Variants in MTUS2 observed in about 807,000 individuals in gnomAD.
MTUS2 encodes the protein microtubule-associated tumor suppressor candidate 2.
MTUS2 carries 40 observed loss-of-function variants against 114.1 expected under a neutral mutation model. The observed-to-expected ratio is 0.35, with a 90% CI of 0.27 to 0.46. The LOEUF (loss-of-function observed/expected upper bound fraction) is 0.46. Ranked by LOEUF, MTUS2 falls within the 20% of genes least tolerant of loss-of-function variation. The pLI, the probability that MTUS2 is intolerant of heterozygous loss-of-function variation, is 1.00. For synonymous variants in MTUS2, 688 were observed against 672.0 expected, an observed-to-expected ratio of 1.02 and a Z score of -0.37; for missense variants, 1,679 against 1,705.4, an observed-to-expected ratio of 0.98 and a Z score of 0.27.
intron 4 of MTUS2, among the ~76,000 whole-genome samples, chr13:29,058,709 C>A (rs1340505893): frequency 7.8e-6 from 1 of 128,958 alleles, no homozygotes; most frequent in Non-Finnish European, 1.6e-5. Context: ...GCTATCCCTC[C>A]CCCCTCCCCC....
chr13:28,985,306 G>A (rs1884530038), intron 2 of MTUS2, among the ~76,000 whole-genome samples: 1 of 152,158 alleles, frequency 6.6e-6, no homozygotes, highest in African/African-American at 2.4e-5. Context: ...TTTGAAAGCA[G>A]AACACAAGGT....
chr13:29,268,875 G>A (rs1190775143), intron 5 of MTUS2, among the ~76,000 whole-genome samples: 3 of 152,054 alleles, frequency 2.0e-5, no homozygotes, highest in Non-Finnish European at 2.9e-5. Flanking sequence ...GGCTACAGGT[G>A]CACCACCATG....
chr13:29,161,481 A>T (rs1389580583), intron 5 of MTUS2, among the ~76,000 whole-genome samples: 4 of 151,840 alleles, frequency 2.6e-5, no homozygotes, highest in African/African-American at 9.7e-5. Flanking sequence ...ATAAGAAATA[A>T]ATTAATTAGT....
In MTUS2 at chr13:29,025,950, G is replaced by A; in HGVS notation, c.1252G>A (p.Ala418Thr). The A allele has an allele frequency of 1.2e-6, 2 of 1,614,042 alleles. No individual in the cohort carries two copies. The highest frequency in any genetic ancestry group is 1.1e-5 in the South Asian group (1 of 91,076). Residue 418 changes from alanine to threonine, a missense_variant, in exon 3 of 16, where the codon GCA (alanine) becomes ACA (threonine). Ala to Thr is a moderately conservative substitution (Grantham distance 58, BLOSUM62 0). Coordinates refer to ENST00000612955, the MANE Select transcript of MTUS2 (RefSeq NM_001033602.4). Reference protein sequence around the residue: ...NQPTGKISPCAGEKLGERTSS... With the variant: ...NQPTGKISPCTGEKLGERTSS... ...GCCCACTGGCAAAATTTCACCATGTGCAGGTGAGAAGTTGGGTGAAAGGAC... is the reference window on the plus strand; with the variant it reads ...GCCCACTGGCAAAATTTCACCATGTACAGGTGAGAAGTTGGGTGAAAGGAC...
At chr13:29,158,547 T>C (rs2139068359) in intron 5 of MTUS2, among the ~76,000 whole-genome samples, 1 of 151,774 alleles carries the variant, frequency 6.6e-6, no homozygotes, top group South Asian at 2.1e-4. Context: ...CTGTTTTTCA[T>C]AGAGCAAGGA....
rs569396820 is a variant in MTUS2, at chr13:29,393,778, C to T, written c.3117+34305C>T. Reference sequence around the variant, plus strand: ...CTTGGTTTTATATATTTTAGGGAGACATGAGCCATCAATCAATAAATGTAA... The same window carrying T: ...CTTGGTTTTATATATTTTAGGGAGATATGAGCCATCAATCAATAAATGTAA... On this transcript the variant is annotated intron_variant, in intron 8 of 15. Transcript: ENST00000612955. 2.0e-4 allele frequency among the ~76,000 whole-genome samples: 30 copies of T among 152,266 alleles called. No individual in the cohort carries two copies. The South Asian group carries it at 2.5e-3, about 13-fold the overall frequency.
At chr13:29,247,621 C>T (rs139090725) in intron 5 of MTUS2, among the ~76,000 whole-genome samples, 7 of 151,974 alleles carry the variant, frequency 4.6e-5, no homozygotes, top group East Asian at 1.9e-4. Context: ...AAAGAAGATA[C>T]GTAAATGGCC....
At chr13:29,324,823 C>A in intron 7 of MTUS2, 112 bp downstream of exon 7, 2 of 798,076 alleles carry the variant, frequency 2.5e-6, no homozygotes, top group Admixed American at 2.2e-5. Flanking sequence ...CTCAATTGTT[C>A]CAGAGCTTGA....
intron 5 of MTUS2, among the ~76,000 whole-genome samples, chr13:29,195,099 G>C (rs28661310): frequency 5.2e-5 from 7 of 135,116 alleles, no homozygotes; most frequent in South Asian, 2.8e-4. Context: ...GTTGTGGGGT[G>C]GGGGGAGGGG....
At chr13:28,967,365 CAA>C (rs548877049) in intron 2 of MTUS2, among the ~76,000 whole-genome samples, 68 of 152,240 alleles carry the variant, frequency 4.5e-4, no homozygotes, top group African/African-American at 1.4e-3. Context: ...TTAAAATTAA[CAA>C]AGTGTAATTA....
In MTUS2 at chr13:29,025,937, A is replaced by C; in HGVS notation, c.1239A>C (p.Lys413Asn). 2 of 1,613,900 alleles carry C rather than the reference A, an allele frequency of 1.2e-6. No individual in the cohort carries two copies. The highest frequency in any genetic ancestry group is 1.7e-6 in the Non-Finnish European group (2 of 1,179,834). ...LGGADNQPTG[K>N]ISPCAGEKLG... ...GGGCTGATAATCAGCCCACTGGCAA[A>C]ATTTCACCATGTGCAGGTGAGAAGT... Residue 413 changes from lysine to asparagine, a missense_variant, in exon 3 of 16, where the codon AAA (lysine) becomes AAC (asparagine). Physicochemically the swap from Lys to Asn is moderately conservative, Grantham distance 94. Transcript: ENST00000612955.
At chr13:29,127,507 C>A (rs1456642397) in intron 5 of MTUS2, among the ~76,000 whole-genome samples, 1 of 152,228 alleles carries the variant, frequency 6.6e-6, no homozygotes, top group Non-Finnish European at 1.5e-5. Context: ...ACTGAGGCTT[C>A]CCTGAAGAGA....
intron 8 of MTUS2, among the ~76,000 whole-genome samples, chr13:29,379,494 A>T (rs1323647258): frequency 6.6e-6 from 1 of 152,204 alleles, no homozygotes; most frequent in African/African-American, 2.4e-5. Flanking sequence ...GCCAAGGACC[A>T]TGATTCCCAC....
chr13:29,200,483 TTA>T (rs1312652015), intron 5 of MTUS2, among the ~76,000 whole-genome samples: 5 of 151,398 alleles, frequency 3.3e-5, no homozygotes, highest in Admixed American at 3.3e-4. Flanking sequence ...TGTTCAGTTT[TTA>T]TATAGTTGTG....
intron 1 of MTUS2, among the ~76,000 whole-genome samples, chr13:28,821,127 G>A (rs1347036681): frequency 2.0e-5 from 3 of 152,018 alleles, no homozygotes; most frequent in Non-Finnish European, 2.9e-5. Context: ...TACCAAAGGC[G>A]CCTGTACTCT....
chr13:29,008,825 T>C (rs1440476376), intron 2 of MTUS2, among the ~76,000 whole-genome samples: 1 of 152,148 alleles, frequency 6.6e-6, no homozygotes, highest in Non-Finnish European at 1.5e-5. Context: ...TAATTTTTTT[T>C]CTAGACTTTT....
intron 8 of MTUS2, among the ~76,000 whole-genome samples, chr13:29,412,600 TAAGG>T (rs1424152564): frequency 6.6e-6 from 1 of 152,062 alleles, no homozygotes; most frequent in East Asian, 1.9e-4. Flanking sequence ...ATTAAAAGAA[TAAGG>T]AAGGACAAGT....
At chr13:29,430,848 TC>T (rs1876942243) in intron 8 of MTUS2, among the ~76,000 whole-genome samples, 1 of 152,136 alleles carries the variant, frequency 6.6e-6, no homozygotes, top group Admixed American at 6.6e-5. Flanking sequence ...AATTCCCAAA[TC>T]CCACAACAAA....
intron 7 of MTUS2, among the ~76,000 whole-genome samples, chr13:29,358,424 C>T (rs942203760): frequency 2.6e-5 from 4 of 152,244 alleles, no homozygotes; most frequent in Non-Finnish European, 5.9e-5. Context: ...TGTGGCCCCA[C>T]AGCCCCTCAC....
Sources: gnomAD v4.1 joint callset for allele counts (sites outside exome capture counted in the v4.1 genomes callset) on GRCh38, gnomAD v4.1.1 for gene constraint, MANE v1.5 for transcripts, NCBI Gene and HGNC (gene_info 2026-07-23, HGNC 2026-07-21) for gene names.